Variants in RAB11FIP2 observed in about 807,000 individuals in gnomAD.
The protein encoded by RAB11FIP2 is rab11 family-interacting protein 2.
RAB11FIP2 carries 16 observed loss-of-function variants against 40.9 expected under a neutral mutation model. The observed-to-expected ratio is 0.39, with a 90% CI of 0.26 to 0.59. RAB11FIP2 has a LOEUF of 0.59. Among genes scored for constraint, RAB11FIP2 ranks in the 20% least tolerant of loss-of-function variants. The probability of loss-of-function intolerance (pLI) is 0.53; values close to 1 mark genes in which losing one functional copy is unlikely to be tolerated. For synonymous variants in RAB11FIP2, 228 were observed against 213.7 expected, an observed-to-expected ratio of 1.07 and a Z score of -0.58; for missense variants, 532 against 606.2, an observed-to-expected ratio of 0.88 and a Z score of 1.28.
rs1846369721 is a variant in RAB11FIP2, at chr10:118,028,284, T to C, written c.1265+10688A>G. The stretch of plus-strand genomic sequence containing the variant: ...TATAAAATACATAAAGACATTTTGT[T>C]TGGTGTATAATATATTAAATATATA... On this transcript the variant is annotated intron_variant, in intron 3 of 4. Coordinates refer to ENST00000355624, the MANE Select transcript of RAB11FIP2 (RefSeq NM_014904.3). 2.0e-5 allele frequency among the ~76,000 whole-genome samples: 3 copies of C among 151,124 alleles called. No homozygotes were observed. In the South Asian group the frequency reaches 6.2e-4, roughly 31 times the overall value.
intron 3 of RAB11FIP2, among the ~76,000 whole-genome samples, chr10:118,016,758 C>G (rs1265825924): frequency 6.6e-6 from 1 of 151,944 alleles, no homozygotes; most frequent in Non-Finnish European, 1.5e-5. Context: ...GGTGTGAATT[C>G]AAATCCTGTT....
intron 3 of RAB11FIP2, among the ~76,000 whole-genome samples, chr10:118,036,957 G>T (rs954433068): frequency 1.3e-5 from 2 of 151,928 alleles, no homozygotes; most frequent in African/African-American, 4.8e-5. Context: ...TACTCAATAA[G>T]CTTTTTTTTC....
At chr10:118,036,761 A>AT (rs896921239) in intron 3 of RAB11FIP2, among the ~76,000 whole-genome samples, 25 of 151,322 alleles carry the variant, frequency 1.7e-4, no homozygotes, top group East Asian at 7.8e-4. Flanking sequence ...AAAAACAACT[A>AT]TTTTTTTTTA....
intron 4 of RAB11FIP2, among the ~76,000 whole-genome samples, chr10:118,011,409 T>A (rs978852309): frequency 4.0e-5 from 6 of 150,950 alleles, no homozygotes; most frequent in African/African-American, 7.4e-5. Context: ...ACACACACAC[T>A]CTCATGCACG....
intron 3 of RAB11FIP2, among the ~76,000 whole-genome samples, 195 bp from the exon 4 acceptor site, chr10:118,015,305 A>T (rs1271604124): frequency 1.3e-5 from 2 of 152,218 alleles, no homozygotes; most frequent in African/African-American, 4.8e-5. Flanking sequence ...ACAATTTCAA[A>T]CTTTGAAGGA....
chr10:118,045,990 T>C lies in RAB11FIP2; in HGVS notation c.174A>G (p.Pro58=). 6.2e-7 allele frequency: 1 copy of C among 1,614,220 alleles called. No individual in the cohort carries two copies. The highest frequency in any genetic ancestry group is 8.5e-7 in the Non-Finnish European group (1 of 1,180,042). ...CGAAAGAGGCCTCCTCCTTCCAAAC[T>C]GGCTCAAGGGTTTTCTCAGCTACAG... The part of the protein sequence containing the change: ...STSVAEKTLE[P]VWKEEASFEL... The change falls in exon 1 of 5, where the codon CCA becomes CCG. Residue 58 remains proline, a synonymous_variant. Transcript: ENST00000355624.
rs552170167 is a variant in RAB11FIP2 at position 118,012,992 on chromosome 10, T to C, written c.1311+2073A>G. On this transcript the variant is annotated intron_variant, in intron 4 of 4. Transcript: ENST00000355624. ...CTACATGAAGTTTTCTAACCCAGAA[T>C]TTTAAATAATACAGTTTTGCATAAG... Among the ~76,000 whole-genome samples, 3 of 152,230 alleles carry C rather than the reference T, an allele frequency of 2.0e-5. No homozygotes were observed. The East Asian group carries it at 5.8e-4, about 29-fold the overall frequency.
chr10:118,039,960 C>T (rs1846533523), intron 2 of RAB11FIP2, 163 bp downstream of exon 2: 1 of 598,238 alleles, frequency 1.7e-6, no homozygotes, highest in African/African-American at 1.9e-5. Flanking sequence ...CTTCAAGGAA[C>T]TTACCAATTT....
In RAB11FIP2 at chr10:118,046,242, C is replaced by G. The variant is rs1846635006; in HGVS notation, c.-79G>C. ...GAGGGAGAGCCTAATTCCTTAATCA[C>G]TGCATCCTAAGGACACTTAACGGAA... is the stretch of plus-strand genomic sequence containing the variant. On this transcript the variant is annotated 5_prime_UTR_variant, in exon 1 of 5. Coordinates refer to ENST00000355624, the MANE Select transcript of RAB11FIP2 (RefSeq NM_014904.3). The G allele has an allele frequency of 3.3e-6, 4 of 1,212,066 alleles. No homozygotes were observed. Among genetic ancestry groups the G allele is most frequent in the Admixed American group, 1.9e-5 (1 of 51,754 alleles). The allele number at this position is 1,212,066 out of a possible 1,614,324, so 75.1% of individuals were successfully genotyped here. A position where few individuals can be genotyped will look rare whatever the true frequency, so the allele number is the denominator to read the frequency against.
At chr10:118,024,470 C>CGTGTGTGTGTGGGT (rs1846319659) in intron 3 of RAB11FIP2, among the ~76,000 whole-genome samples, 1 of 131,726 alleles carries the variant, frequency 7.6e-6, no homozygotes, top group African/African-American at 2.9e-5. Flanking sequence ...TCATCATCAT[C>CGTGTGTGTGTGGGT]GTGTGTGTGT....
chr10:118,021,693 ACT>A (rs1209335471), intron 3 of RAB11FIP2, among the ~76,000 whole-genome samples: 1 of 151,818 alleles, frequency 6.6e-6, no homozygotes, highest in Non-Finnish European at 1.5e-5. Context: ...AAATCACCTC[ACT>A]CTTTAACCTC....
rs753811177 is a variant in RAB11FIP2 at position 118,015,045 on chromosome 10, T to C, written c.1311+20A>G. ...ACCAGCTTACTCTTTGACAACCCTC[T>C]AACCCCTTCAGCAACTTACCGGGAT... is the stretch of plus-strand genomic sequence containing the variant. On this transcript the variant is annotated intron_variant, in intron 4 of 4. Transcript: ENST00000355624. The C allele has an allele frequency of 1.3e-5, 21 of 1,598,466 alleles. No individual in the cohort carries two copies. The South Asian group carries it at 1.9e-4, about 15-fold the overall frequency.
At chr10:118,040,747 CATT>C (rs1432167220) in intron 1 of RAB11FIP2, among the ~76,000 whole-genome samples, 182 bp from the exon 2 acceptor site, 2 of 152,190 alleles carry the variant, frequency 1.3e-5, no homozygotes, top group Middle Eastern at 3.4e-3. Context: ...AAAAACTGAT[CATT>C]GTCTCTGTGA....
chr10:118,015,873 A>C (rs984246979), intron 3 of RAB11FIP2, among the ~76,000 whole-genome samples: 1 of 152,252 alleles, frequency 6.6e-6, no homozygotes, highest in Non-Finnish European at 1.5e-5. Flanking sequence ...ACTTAAAGGT[A>C]TTAGCCTTTA....
chr10:118,045,838 A>G lies in RAB11FIP2; in HGVS notation c.326T>C (p.Phe109Ser). ...TGTTTTCCTTCTTTGTTTGTCCTCA[A>G]AGATGTCATTGAGATTGATTGCCAC... Reference protein sequence around the residue: ...GQVAINLNDIFEDKQRRKTEW... With the variant: ...GQVAINLNDISEDKQRRKTEW... The change falls in exon 1 of 5, where the codon TTT (phenylalanine) becomes TCT (serine). Residue 109 changes from phenylalanine to serine, a missense_variant. Physicochemically the swap from Phe to Ser is radical, Grantham distance 155. Transcript: ENST00000355624. The G allele has an allele frequency of 6.2e-7, 1 of 1,611,166 alleles. No homozygotes were observed. The highest frequency in any genetic ancestry group is 8.5e-7 in the Non-Finnish European group (1 of 1,178,610).
chr10:118,031,452 TAGAA>T (rs748676503), intron 3 of RAB11FIP2, among the ~76,000 whole-genome samples: 5 of 152,146 alleles, frequency 3.3e-5, no homozygotes, highest in Non-Finnish European at 7.4e-5. Context: ...ATTTGAAAAT[TAGAA>T]AGACATTTAA....
At chr10:118,044,293 A>G (rs1371354127) in intron 1 of RAB11FIP2, among the ~76,000 whole-genome samples, 1 of 152,198 alleles carries the variant, frequency 6.6e-6, no homozygotes, top group East Asian at 1.9e-4. Context: ...TGAATATTAA[A>G]GTACTATAAA....
intron 3 of RAB11FIP2, among the ~76,000 whole-genome samples, chr10:118,027,243 C>T (rs886695717): frequency 6.6e-6 from 1 of 152,120 alleles, no homozygotes; most frequent in Non-Finnish European, 1.5e-5. Context: ...TTAAGTAAGG[C>T]CACGCGGCTA....
rs1402843777 is a variant in RAB11FIP2 at position 118,005,597 on chromosome 10, G to A, written c.*3401C>T. On this transcript the variant is annotated 3_prime_UTR_variant, in exon 5 of 5. Transcript: ENST00000355624. The stretch of plus-strand genomic sequence containing the variant: ...ACTTCACTTACACATACACACAAGT[G>A]ACACCTACCACCTACAAGACATATG... 1.3e-5 allele frequency: 2 copies of A among 152,112 alleles called. No individual in the cohort carries two copies. 9.4% of individuals were successfully genotyped at this position (152,112 alleles called of 1,614,324 possible). A position where few individuals can be genotyped will look rare whatever the true frequency, so the allele number is the denominator to read the frequency against.
Sources: gnomAD v4.1 joint callset for allele counts (sites outside exome capture counted in the v4.1 genomes callset) on GRCh38, gnomAD v4.1.1 for gene constraint, MANE v1.5 for transcripts, NCBI Gene and HGNC (gene_info 2026-07-23, HGNC 2026-07-21) for gene names.